The following ADGRV1 variants were observed in gnomAD, a reference collection of about 807,000 sequenced individuals.
ADGRV1 encodes G-protein coupled receptor 98.
In ADGRV1, 359 loss-of-function variants were observed where a neutral mutation model predicts 596.2. The observed-to-expected ratio is 0.60, with a 90% CI of 0.55 to 0.66. ADGRV1 has a LOEUF of 0.66. Ranked by LOEUF, ADGRV1 falls within the 30% of genes least tolerant of loss-of-function variation. ADGRV1 has a pLI of 0.00. For synonymous variants in ADGRV1, 2,681 were observed against 2,679.2 expected (o/e 1.00, Z -0.02); for missense variants, 7,274 against 7,575.6 (o/e 0.96, Z 1.48).
At chr5:90,684,936 A>G (rs150383920) in intron 28 of ADGRV1, among the ~76,000 whole-genome samples, 244 of 152,330 alleles carry the variant, frequency 1.6e-3, no homozygotes, top group Middle Eastern at 3.4e-3. Flanking sequence ...ATTTGCAGCT[A>G]GTTTTTGAGG....
chr5:91,017,176 C>T (rs1464821520), intron 85 of ADGRV1, among the ~76,000 whole-genome samples: 1 of 151,886 alleles, frequency 6.6e-6, no homozygotes, highest in Non-Finnish European at 1.5e-5. Context: ...TCAATTTTGA[C>T]ATATTTTTCA....
chr5:90,586,905 AT>A (rs1758827034), intron 1 of ADGRV1, among the ~76,000 whole-genome samples: 1 of 152,106 alleles, frequency 6.6e-6, no homozygotes, highest in Admixed American at 6.6e-5. Flanking sequence ...ATTAGCTGGA[AT>A]TTTTCTGTAA....
intron 88 of ADGRV1, among the ~76,000 whole-genome samples, chr5:91,152,170 A>C (rs1472991649): frequency 6.6e-6 from 1 of 152,204 alleles, no homozygotes; most frequent in African/African-American, 2.4e-5. Flanking sequence ...GCTGTCAGTG[A>C]AGTGCCGTCA....
At chr5:90,592,880 A>G (rs763919084) in intron 1 of ADGRV1, among the ~76,000 whole-genome samples, 5 of 152,232 alleles carry the variant, frequency 3.3e-5, no homozygotes, top group Admixed American at 3.3e-4. Flanking sequence ...GAGAAATGCA[A>G]ATCAAAACCA....
chr5:90,684,167 T>C lies in ADGRV1; in HGVS notation c.6246T>C (p.Thr2082=), dbSNP rs375632069. Reference sequence around the variant, plus strand: ...TCTTTATCGAACTACTCAACTCTACTTTAGTAGCGAAAGTACAGAGTCGTT... The same window carrying C: ...TCTTTATCGAACTACTCAACTCTACCTTAGTAGCGAAAGTACAGAGTCGTT... ...ESVFIELLNS[T]LVAKVQSRSI... The change falls in exon 28 of 90, where the codon ACT becomes ACC. Residue 2082 remains threonine (T), a synonymous_variant. Coordinates refer to ENST00000405460, the MANE Select transcript of ADGRV1 (RefSeq NM_032119.4). The C allele has an allele frequency of 4.2e-5, 67 of 1,613,004 alleles. No individual in the cohort carries two copies. In the African/African-American group the frequency reaches 8.5e-4, roughly 21 times the overall value.
At chr5:90,867,536 T>A (rs1438688183) in intron 83 of ADGRV1, among the ~76,000 whole-genome samples, 1 of 152,154 alleles carries the variant, frequency 6.6e-6, no homozygotes, top group Non-Finnish European at 1.5e-5. Context: ...AAGATTCTGC[T>A]TTAATCTGGA....
At chr5:90,916,870 G>T (rs1773430345) in intron 83 of ADGRV1, among the ~76,000 whole-genome samples, 1 of 151,798 alleles carries the variant, frequency 6.6e-6, no homozygotes, top group African/African-American at 2.4e-5. Context: ...CTGACCTCGT[G>T]ATCCGCCCGC....
intron 85 of ADGRV1, among the ~76,000 whole-genome samples, chr5:90,991,610 T>G (rs1780974519): frequency 6.6e-6 from 1 of 152,174 alleles, no homozygotes; most frequent in Non-Finnish European, 1.5e-5. Flanking sequence ...TTTTAGTATT[T>G]CAGCATTATG....
chr5:91,161,843 A>G (rs557319082), intron 89 of ADGRV1, among the ~76,000 whole-genome samples: 1 of 152,314 alleles, frequency 6.6e-6, no homozygotes, highest in East Asian at 1.9e-4. Flanking sequence ...AAAAATAAGT[A>G]TCTGTAAAAA....
At position 90,658,065 on chromosome 5, in the gene ADGRV1, T is replaced by C. The variant is rs781561716; in HGVS notation, c.4539T>C (p.Tyr1513=). The C allele has an allele frequency of 2.5e-6, 4 of 1,613,834 alleles. No homozygotes were observed. The highest frequency in any genetic ancestry group is 2.5e-6 in the Non-Finnish European group (3 of 1,179,848). ...GTGATTTACACCCAATTTCTGGATATCTGGAGTTCAGACAGGGAGAAACTA... is the reference window on the plus strand; with the variant it reads ...GTGATTTACACCCAATTTCTGGATACCTGGAGTTCAGACAGGGAGAAACTA... ...AKSDLHPISG[Y]LEFRQGETNK... Residue 1513 remains tyrosine, a synonymous_variant, in exon 21 of 90, where the codon TAT becomes TAC. Coordinates refer to ENST00000405460, the MANE Select transcript of ADGRV1 (RefSeq NM_032119.4).
chr5:90,666,558 C>G (rs1205500657), intron 21 of ADGRV1, among the ~76,000 whole-genome samples: 2 of 114,060 alleles, frequency 1.8e-5, no homozygotes, highest in Admixed American at 1.0e-4. Context: ...TGGGTCTTGA[C>G]TATCCAATTT....
chr5:91,143,316 C>G (rs1795259233), intron 87 of ADGRV1, among the ~76,000 whole-genome samples: 1 of 152,186 alleles, frequency 6.6e-6, no homozygotes, highest in African/African-American at 2.4e-5. Context: ...TGTGTTTCAG[C>G]CCTGTTTGTG....
chr5:91,021,873 G>C (rs1184535929), intron 85 of ADGRV1, among the ~76,000 whole-genome samples: 4 of 152,058 alleles, frequency 2.6e-5, no homozygotes, highest in Admixed American at 2.6e-4. Flanking sequence ...TTGGAATTCA[G>C]ATCTAGCTGC....
intron 1 of ADGRV1, among the ~76,000 whole-genome samples, chr5:90,595,937 C>G (rs989863050): frequency 1.3e-5 from 2 of 151,674 alleles, no homozygotes; most frequent in African/African-American, 4.8e-5. Flanking sequence ...GGCGGAGACG[C>G]TCCTCACTTC....
rs775708133 is a variant in ADGRV1 at position 90,693,956 on chromosome 5, A to C, written c.7200A>C (p.Ala2400=). 1.9e-6 allele frequency: 3 copies of C among 1,607,074 alleles called. No individual in the cohort carries two copies. Among genetic ancestry groups the C allele is most frequent in the Non-Finnish European group, 1.7e-6 (2 of 1,174,708 alleles). The part of the protein sequence containing the change: ...STSDIDVVAL[A]MEEGQDLLSY... ...CCGACATTGATGTAGTGGCTCTGGCAATGGAGGAAGGTCAAGATTTACTGT... is the reference window on the plus strand; with the variant it reads ...CCGACATTGATGTAGTGGCTCTGGCCATGGAGGAAGGTCAAGATTTACTGT... Residue 2400 remains alanine (A), a synonymous_variant, in exon 33 of 90, where the codon GCA becomes GCC. Coordinates refer to ENST00000405460, the MANE Select transcript of ADGRV1 (RefSeq NM_032119.4).
At chr5:90,950,614 G>A (rs1268612638) in intron 83 of ADGRV1, among the ~76,000 whole-genome samples, 3 of 152,088 alleles carry the variant, frequency 2.0e-5, no homozygotes, top group African/African-American at 4.8e-5. Flanking sequence ...GAGCCACTGC[G>A]CCCAGGCTTT....
chr5:90,588,102 T>C (rs1446529399), intron 1 of ADGRV1, among the ~76,000 whole-genome samples: 10 of 152,222 alleles, frequency 6.6e-5, no homozygotes, highest in Non-Finnish European at 1.5e-4. Context: ...CTGTATTCTA[T>C]AGCCACTAGA....
At chr5:90,879,754 C>G (rs1454428101) in intron 83 of ADGRV1, among the ~76,000 whole-genome samples, 1 of 152,056 alleles carries the variant, frequency 6.6e-6, no homozygotes, top group East Asian at 1.9e-4. Flanking sequence ...TGTGACCAGC[C>G]TGGCCAACAT....
chr5:90,690,975 C>T lies in ADGRV1; in HGVS notation c.6885C>T (p.Ala2295=), dbSNP rs1292722812. Residue 2295 remains alanine (A), a synonymous_variant, in exon 31 of 90, where the codon GCC becomes GCT. Coordinates refer to ENST00000405460, the MANE Select transcript of ADGRV1 (RefSeq NM_032119.4). ...TTGTCTCAGGTAATGTGACCTTTGC[C>T]CCTGGGGAAACCATTCAAACCTTGT... is the stretch of plus-strand genomic sequence containing the variant. ...LRVVSGNVTF[A]PGETIQTLLL... The T allele has an allele frequency of 3.7e-6, 6 of 1,613,750 alleles. No homozygotes were observed. The highest frequency in any genetic ancestry group is 3.3e-5 in the Admixed American group (2 of 59,994).
Sources: gnomAD v4.1 joint callset for allele counts (sites outside exome capture counted in the v4.1 genomes callset) on GRCh38, gnomAD v4.1.1 for gene constraint, MANE v1.5 for transcripts, NCBI Gene and HGNC (gene_info 2026-07-23, HGNC 2026-07-21) for gene names.